The following SF3A3 variants were observed in gnomAD, a reference collection of about 807,000 sequenced individuals.
SF3A3 encodes splicing factor 3a subunit 3.
A neutral mutation model predicts 85.8 loss-of-function variants in SF3A3; 9 were observed. That is an observed-to-expected ratio of 0.10 (90% CI 0.06 to 0.18). The LOEUF (loss-of-function observed/expected upper bound fraction) is 0.18. Ranked by LOEUF, SF3A3 falls within the 10% of genes least tolerant of loss-of-function variation. SF3A3 has a pLI of 1.00. For synonymous variants in SF3A3, 195 were observed against 204.4 expected, an observed-to-expected ratio of 0.95 and a Z score of 0.39; for missense variants, 306 against 593.3, an observed-to-expected ratio of 0.52 and a Z score of 5.03.
intron 15 of SF3A3, 48 bp downstream of exon 15, chr1:37,967,996 T>C (rs768195077): frequency 5.2e-6 from 6 of 1,144,002 alleles, no homozygotes; most frequent in South Asian, 1.2e-5. Context: ...ATTGAAGGAG[T>C]AGAGCCATTT....
intron 15 of SF3A3, among the ~76,000 whole-genome samples, chr1:37,963,567 T>C (rs554404868): frequency 9.2e-5 from 14 of 151,934 alleles, no homozygotes; most frequent in East Asian, 3.9e-4. Flanking sequence ...TAATTCTTTT[T>C]TTTTTTTGAG....
chr1:37,972,360 C>CA (rs199851130), intron 12 of SF3A3, among the ~76,000 whole-genome samples: 2,453 of 152,178 alleles, frequency 0.016, 43 homozygotes, highest in African/African-American at 0.047. Context: ...TGAAAGAGGA[C>CA]ACAAAGAAAT....
At chr1:37,978,634 G>T in intron 11 of SF3A3, 86 bp downstream of exon 11, 1 of 772,036 alleles carries the variant, frequency 1.3e-6, no homozygotes, top group Non-Finnish European at 2.1e-6. Flanking sequence ...GATAAAGCAG[G>T]CTTTAAAGTC....
intron 12 of SF3A3, among the ~76,000 whole-genome samples, chr1:37,970,961 G>C (rs1325756222): frequency 6.6e-6 from 1 of 152,026 alleles, no homozygotes; most frequent in Non-Finnish European, 1.5e-5. Flanking sequence ...AGAAGCAAGA[G>C]CAAACACATT....
chr1:37,982,364 T>C (rs576251953), intron 6 of SF3A3, among the ~76,000 whole-genome samples: 2 of 150,680 alleles, frequency 1.3e-5, no homozygotes, highest in African/African-American at 4.8e-5. Flanking sequence ...TCATCTCTTG[T>C]GATAAGCTAT....
intron 7 of SF3A3, among the ~76,000 whole-genome samples, chr1:37,981,204 A>T (rs766407336): frequency 4.6e-5 from 7 of 152,240 alleles, no homozygotes; most frequent in East Asian, 1.9e-4. Context: ...TGTCATTTTG[A>T]TTCTGACCTT....
intron 12 of SF3A3, among the ~76,000 whole-genome samples, chr1:37,974,786 CAG>C (rs562607698): frequency 3.7e-4 from 56 of 152,322 alleles, no homozygotes; most frequent in African/African-American, 1.1e-3. Flanking sequence ...AACTCTCTGA[CAG>C]AGTTTTCTCC....
chr1:37,961,911 C>A (rs889319047), intron 15 of SF3A3, among the ~76,000 whole-genome samples: 1 of 150,982 alleles, frequency 6.6e-6, no homozygotes, highest in African/African-American at 2.4e-5. Flanking sequence ...CATGGAGAAA[C>A]CCCATCTCTA....
intron 11 of SF3A3, among the ~76,000 whole-genome samples, chr1:37,978,003 C>A (rs542313405): frequency 1.6e-4 from 24 of 149,956 alleles, no homozygotes; most frequent in Middle Eastern, 7.1e-3. Flanking sequence ...GGCAACAGAG[C>A]GAGATTCCAT....
At chr1:37,976,462 A>T (rs1646380636) in intron 12 of SF3A3, among the ~76,000 whole-genome samples, 1 of 152,196 alleles carries the variant, frequency 6.6e-6, no homozygotes, top group South Asian at 2.1e-4. Flanking sequence ...TAATCTTATG[A>T]ACATGTAAGT....
chr1:37,978,683 A>T, intron 11 of SF3A3, 37 bp downstream of exon 11: 3 of 1,352,362 alleles, frequency 2.2e-6, no homozygotes, highest in Non-Finnish European at 3.1e-6. Context: ...AATAACATTT[A>T]AAAGCCACAA....
At chr1:37,987,702 A>G (rs113440109) in intron 3 of SF3A3, 24 bp from the exon 4 acceptor site, 10 of 1,610,568 alleles carry the variant, frequency 6.2e-6, no homozygotes, top group African/African-American at 4.0e-5. Flanking sequence ...AAAATTTCAA[A>G]GAAGATAGAG....
At chr1:37,968,271 A>G (rs1646316382) in intron 14 of SF3A3, 137 bp from the exon 15 acceptor site, 1 of 657,038 alleles carries the variant, frequency 1.5e-6, no homozygotes, top group Non-Finnish European at 2.9e-6. Context: ...TTTGTGATTC[A>G]TGTTTGTAAA....
intron 15 of SF3A3, among the ~76,000 whole-genome samples, chr1:37,961,323 G>C (rs1646256077): frequency 6.6e-6 from 1 of 152,112 alleles, no homozygotes; most frequent in South Asian, 2.1e-4. Flanking sequence ...AGTGGCTCAT[G>C]CCTGTAATCC....
chr1:37,983,457 C>A (rs1358363952), intron 6 of SF3A3, among the ~76,000 whole-genome samples: 1 of 150,356 alleles, frequency 6.7e-6, no homozygotes, highest in Non-Finnish European at 1.5e-5. Context: ...TGGTGGCACA[C>A]GCCTGTAGTC....
At chr1:37,967,300 T>C (rs1646308612) in intron 15 of SF3A3, among the ~76,000 whole-genome samples, 1 of 147,608 alleles carries the variant, frequency 6.8e-6, no homozygotes, top group Non-Finnish European at 1.5e-5. Context: ...TCCCAGCACT[T>C]TGGGAGGCTG....
At chr1:37,981,688 TA>T (rs777697602) in intron 7 of SF3A3, 40 bp downstream of exon 7, 1 of 1,230,608 alleles carries the variant, frequency 8.1e-7, no homozygotes, top group Non-Finnish European at 1.2e-6. Context: ...CATTATCTTC[TA>T]ATCAAATCCA....
chr1:37,989,717 C>T (rs3935867), intron 1 of SF3A3, 122 bp from the exon 2 acceptor site: 1,154,496 of 1,316,952 alleles, frequency 0.88, 506,987 homozygotes, highest in East Asian at 1. Flanking sequence ...CTCTGGGGCT[C>T]CGGACCCCGG....
chr1:37,984,330 G>C (rs898015283), intron 5 of SF3A3, 70 bp from the exon 6 acceptor site: 8 of 874,632 alleles, frequency 9.1e-6, no homozygotes, highest in African/African-American at 1.6e-5. Context: ...TTTTCAAATG[G>C]ACTGTGTGTT....
Sources: allele counts gnomAD v4.1 joint callset (sites outside exome capture counted in the v4.1 genomes callset), GRCh38; gene constraint gnomAD v4.1.1; transcripts MANE v1.5; gene names NCBI Gene and HGNC (gene_info 2026-07-23, HGNC 2026-07-21).